ARFGAP3: variants seen among roughly 807,000 people sequenced by gnomAD.
ARFGAP3 encodes ADP-ribosylation factor GTPase-activating protein 3.
ARFGAP3 carries 72 observed loss-of-function variants against 75.0 expected under a neutral mutation model. The observed-to-expected ratio is 0.96, with a 90% CI of 0.79 to 1.17. The LOEUF is 1.17. ARFGAP3 is among the 50% of genes most tolerant of loss of function. The pLI, the probability that ARFGAP3 is intolerant of heterozygous loss-of-function variation, is 0.00. For missense variants in ARFGAP3, 620 were observed against 626.6 expected, an observed-to-expected ratio of 0.99 and a Z score of 0.11; for synonymous variants, 221 against 217.9, an observed-to-expected ratio of 1.01 and a Z score of -0.13.
chr22:42,840,941 T>TA lies in ARFGAP3; in HGVS notation c.261+2dup. 1 of 1,613,710 alleles carries TA rather than the reference T, an allele frequency of 6.2e-7. No individual in the cohort carries two copies. Among genetic ancestry groups the TA allele is most frequent in the East Asian group, 2.2e-5 (1 of 44,886 alleles). On this transcript the variant is annotated splice_region_variant and intron_variant, in intron 3 of 15. Coordinates refer to ENST00000263245, the MANE Select transcript of ARFGAP3 (RefSeq NM_014570.5). ...GAAAATGACGAGTTTGAGATGAACT[T>TA]ACTGCACTAGCGTTTCCTCCGACTT...
chr22:42,853,173 C>A (rs941810942), intron 1 of ARFGAP3, among the ~76,000 whole-genome samples: 1 of 152,200 alleles, frequency 6.6e-6, no homozygotes, highest in Non-Finnish European at 1.5e-5. Context: ...ATAAGAGTTT[C>A]TTTCTGATTC....
At chr22:42,838,635 ATACTT>A (rs1342590994) in intron 3 of ARFGAP3, among the ~76,000 whole-genome samples, 1 of 151,914 alleles carries the variant, frequency 6.6e-6, no homozygotes, top group Non-Finnish European at 1.5e-5. Context: ...TTGATTTCTT[ATACTT>A]TAGCATATAA....
In ARFGAP3 at chr22:42,799,086, C is replaced by A. The variant is rs774170743; in HGVS notation, c.1486G>T (p.Ala496Ser). The A allele has an allele frequency of 5.6e-6, 9 of 1,614,206 alleles. No homozygotes were observed. Among genetic ancestry groups the A allele is most frequent in the Non-Finnish European group, 7.6e-6 (9 of 1,180,044 alleles). ...TTAGCAAAGACGGAGAGTTTTCCAG[C>A]AACCGATCTCACTCCCTGCTTGAAC... ...AQFKQGVRSVAGKLSVFANGV... is the reference protein window; with the variant it reads ...AQFKQGVRSVSGKLSVFANGV... The change falls in exon 15 of 16, where the codon GCT becomes TCT. Residue 496 changes from alanine (A) to serine (S), a missense_variant. Ala to Ser is a moderately conservative substitution (Grantham distance 99). Coordinates refer to ENST00000263245, the MANE Select transcript of ARFGAP3 (RefSeq NM_014570.5).
chr22:42,822,741 G>T (rs1463009360), intron 8 of ARFGAP3, among the ~76,000 whole-genome samples: 1 of 152,130 alleles, frequency 6.6e-6, no homozygotes, highest in Non-Finnish European at 1.5e-5. Flanking sequence ...TAATGTAAAT[G>T]CTATGAAAAT....
intron 9 of ARFGAP3, among the ~76,000 whole-genome samples, chr22:42,821,051 C>A (rs969617891): frequency 1.4e-4 from 22 of 152,114 alleles, no homozygotes; most frequent in Admixed American, 7.9e-4. Flanking sequence ...TTCAGGCAGG[C>A]CCCCGACACA....
intron 6 of ARFGAP3, among the ~76,000 whole-genome samples, chr22:42,828,903 T>C (rs1926163469): frequency 6.6e-6 from 1 of 152,096 alleles, no homozygotes; most frequent in African/African-American, 2.4e-5. Context: ...CAGGCTGGCC[T>C]TGAACCCCTG....
intron 11 of ARFGAP3, among the ~76,000 whole-genome samples, chr22:42,815,813 A>C (rs1222959727): frequency 6.6e-6 from 1 of 152,194 alleles, no homozygotes. Flanking sequence ...CTACCTAACA[A>C]TAGTAATCAA....
At chr22:42,817,549 G>A (rs1276739366) in intron 10 of ARFGAP3, among the ~76,000 whole-genome samples, 180 bp downstream of exon 10, 1 of 151,958 alleles carries the variant, frequency 6.6e-6, no homozygotes, top group African/African-American at 2.4e-5. Context: ...TTCTTTTAAA[G>A]AGCCAAATTT....
At chr22:42,855,262 C>T (rs1016457447) in intron 1 of ARFGAP3, among the ~76,000 whole-genome samples, 1 of 152,096 alleles carries the variant, frequency 6.6e-6, no homozygotes, top group Non-Finnish European at 1.5e-5. Context: ...TGAATTAAAT[C>T]AAAGAGAATA....
chr22:42,816,295 C>T (rs1925577417), intron 11 of ARFGAP3, among the ~76,000 whole-genome samples: 1 of 152,128 alleles, frequency 6.6e-6, no homozygotes, highest in Non-Finnish European at 1.5e-5. Context: ...ACTAGGGTCC[C>T]TAATTTACAG....
At position 42,799,162 on chromosome 22, in the gene ARFGAP3, T is replaced by G. The variant is rs1298752827; in HGVS notation, c.1412-2A>C. ...GCACACTGGACAGGCTGTAGTTCCCTGCACACACACAGCAGACACTGTCTC... is the reference window on the plus strand; with the variant it reads ...GCACACTGGACAGGCTGTAGTTCCCGGCACACACACAGCAGACACTGTCTC... On this transcript the variant is annotated splice_acceptor_variant, in intron 14 of 15. Transcript: ENST00000263245. LOFTEE classifies it high-confidence loss of function. 1.4e-5 allele frequency: 23 copies of G among 1,613,864 alleles called. No homozygotes were observed. Among genetic ancestry groups the G allele is most frequent in the Non-Finnish European group, 1.9e-5 (23 of 1,179,948 alleles).
chr22:42,802,739 C>A (rs192916541), intron 14 of ARFGAP3, among the ~76,000 whole-genome samples: 11 of 150,964 alleles, frequency 7.3e-5, no homozygotes, highest in Middle Eastern at 3.4e-3. Flanking sequence ...GTTGCTGGGA[C>A]TACAGGCGCC....
chr22:42,839,475 G>A (rs1269914276), intron 3 of ARFGAP3, among the ~76,000 whole-genome samples: 1 of 151,716 alleles, frequency 6.6e-6, no homozygotes, highest in Non-Finnish European at 1.5e-5. Flanking sequence ...ACGTGCACCT[G>A]TAGTCCCAGC....
chr22:42,834,238 A>G lies in ARFGAP3; in HGVS notation c.477+4T>C. On this transcript the variant is annotated splice_donor_region_variant and intron_variant, in intron 5 of 15. Transcript: ENST00000263245. Reference sequence around the variant, plus strand: ...TTTAAAATGATGTGAAGCATAATACATACCTCAGGAGAAACGTGAGAGGCA... The same window carrying G: ...TTTAAAATGATGTGAAGCATAATACGTACCTCAGGAGAAACGTGAGAGGCA... The G allele has an allele frequency of 6.2e-7, 1 of 1,613,488 alleles. No individual in the cohort carries two copies.
chr22:42,817,815 T>G lies in ARFGAP3; in HGVS notation c.855A>C (p.Gln285His), dbSNP rs537612856. ...LRLAYKDLEI[Q>H]MKKDEKMNIS... ...TGTTCATCTTTTCGTCTTTCTTCAT[T>G]TGAATTTCAAGATCCTTATAGGCTA... Residue 285 changes from glutamine to histidine, a missense_variant, in exon 10 of 16, where the codon CAA becomes CAC. Gln to His is a conservative substitution (Grantham distance 24). Transcript: ENST00000263245. 5.0e-6 allele frequency: 8 copies of G among 1,613,320 alleles called. No homozygotes were observed. Among genetic ancestry groups the G allele is most frequent in the Admixed American group, 1.7e-5 (1 of 59,908 alleles).
At chr22:42,829,384 C>A (rs1163996206) in intron 6 of ARFGAP3, among the ~76,000 whole-genome samples, 2 of 152,200 alleles carry the variant, frequency 1.3e-5, no homozygotes, top group Non-Finnish European at 2.9e-5. Flanking sequence ...CAGAGCCACA[C>A]TCCAAGCAAA....
chr22:42,830,316 C>T (rs938500486), intron 6 of ARFGAP3, among the ~76,000 whole-genome samples: 3 of 152,242 alleles, frequency 2.0e-5, no homozygotes, highest in East Asian at 3.9e-4. Flanking sequence ...TGACTCCACT[C>T]TGGGACACAG....
intron 1 of ARFGAP3, among the ~76,000 whole-genome samples, chr22:42,856,639 G>A (rs1484049353): frequency 6.6e-6 from 1 of 152,248 alleles, no homozygotes; most frequent in Non-Finnish European, 1.5e-5. Context: ...GAGAAACTGA[G>A]GCAGGCACCG....
At chr22:42,815,364 C>T (rs1925530361) in intron 11 of ARFGAP3, among the ~76,000 whole-genome samples, 1 of 151,788 alleles carries the variant, frequency 6.6e-6, no homozygotes, top group Non-Finnish European at 1.5e-5. Flanking sequence ...AAATATAAAA[C>T]CACCCAAGTC....
Sources: gnomAD v4.1 joint callset for allele counts (sites outside exome capture counted in the v4.1 genomes callset) on GRCh38, gnomAD v4.1.1 for gene constraint, MANE v1.5 for transcripts, NCBI Gene and HGNC (gene_info 2026-07-23, HGNC 2026-07-21) for gene names.